Variants in USP54 observed in about 807,000 individuals in gnomAD.
USP54 encodes ubiquitin specific peptidase 54.
USP54 carries 87 observed loss-of-function variants against 170.5 expected under a neutral mutation model. That is an observed-to-expected ratio of 0.51 (90% confidence interval 0.43 to 0.61). The LOEUF (loss-of-function observed/expected upper bound fraction) is 0.61, where lower values mean the gene tolerates loss of function less well. Ranked by LOEUF, USP54 falls within the 20% of genes least tolerant of loss-of-function variation. The pLI is 0.00. For missense variants in USP54, 1,786 were observed against 2,047.8 expected, an observed-to-expected ratio of 0.87 and a Z score of 2.47; for synonymous variants, 655 against 742.8, an observed-to-expected ratio of 0.88 and a Z score of 1.92.
At chr10:73,623,647 T>C (rs2081259380) in intron 1 of USP54, among the ~76,000 whole-genome samples, 1 of 152,172 alleles carries the variant, frequency 6.6e-6, no homozygotes, top group Admixed American at 6.6e-5. Flanking sequence ...TGAGACCCTG[T>C]TGCAAAACAA....
At chr10:73,541,235 T>C (rs2066539687) in intron 9 of USP54, 140 bp downstream of exon 9, 2 of 1,248,550 alleles carry the variant, frequency 1.6e-6, no homozygotes. Context: ...CACGGGTATC[T>C]GTACACAAAT....
intron 5 of USP54, among the ~76,000 whole-genome samples, chr10:73,545,257 AG>A (rs2067531499): frequency 1.3e-5 from 2 of 152,188 alleles, no homozygotes; most frequent in African/African-American, 4.8e-5. Context: ...CTGTATCAGA[AG>A]CTCTGGGGGT....
intron 4 of USP54, among the ~76,000 whole-genome samples, chr10:73,567,763 G>T (rs772193218): frequency 2.6e-5 from 4 of 152,154 alleles, no homozygotes; most frequent in Non-Finnish European, 5.9e-5. Flanking sequence ...TCAGTAGATT[G>T]AGTTTTTTTG....
intron 4 of USP54, among the ~76,000 whole-genome samples, chr10:73,558,261 A>C (rs914621181): frequency 1.3e-5 from 2 of 152,264 alleles, no homozygotes; most frequent in Admixed American, 1.3e-4. Flanking sequence ...TTTTCAATGA[A>C]AGGCATAATT....
At chr10:73,591,781 C>T (rs754829269), upstream of USP54, among the ~76,000 whole-genome samples, 1 of 151,926 alleles carries the variant, frequency 6.6e-6, no homozygotes, top group East Asian at 1.9e-4. Context: ...AAAAGGAGCA[C>T]GAGAAGACAA....
At chr10:73,560,445 G>C (rs2072579136) in intron 4 of USP54, among the ~76,000 whole-genome samples, 3 of 150,396 alleles carry the variant, frequency 2.0e-5, no homozygotes, top group African/African-American at 7.4e-5. Flanking sequence ...ACAAGGTCAG[G>C]AGATCAAAGA....
chr10:73,511,163 A>G (rs1339726425), intron 20 of USP54, among the ~76,000 whole-genome samples: 2 of 149,210 alleles, frequency 1.3e-5, no homozygotes, highest in African/African-American at 2.5e-5. Context: ...CAGCGGCACA[A>G]TCTCAGCTCA....
intron 1 of USP54, among the ~76,000 whole-genome samples, chr10:73,577,400 A>G (rs1481119955): frequency 6.6e-6 from 1 of 152,210 alleles, no homozygotes; most frequent in Non-Finnish European, 1.5e-5. Context: ...GTAAATTCCC[A>G]GACTATTTAT....
chr10:73,605,886 GA>G, intron 1 of USP54, among the ~76,000 whole-genome samples: 1 of 152,120 alleles, frequency 6.6e-6, no homozygotes, highest in South Asian at 2.1e-4. Flanking sequence ...TTTATGAGAT[GA>G]AACAGGGTGG....
At chr10:73,538,626 G>A (rs1466707574) in intron 10 of USP54, among the ~76,000 whole-genome samples, 4 of 151,892 alleles carry the variant, frequency 2.6e-5, no homozygotes, top group African/African-American at 9.7e-5. Context: ...ACCAGCCTGG[G>A]TAACATCTCT....
intron 1 of USP54, among the ~76,000 whole-genome samples, chr10:73,624,875 A>G (rs1298036215): frequency 2.6e-5 from 4 of 152,218 alleles, no homozygotes; most frequent in African/African-American, 9.6e-5. Context: ...ATTTCTTAAA[A>G]GGCAAATAGC....
chr10:73,521,529 A>G (rs2061898885), intron 17 of USP54, among the ~76,000 whole-genome samples: 1 of 152,224 alleles, frequency 6.6e-6, no homozygotes, highest in South Asian at 2.1e-4. Flanking sequence ...GTGGACAGCC[A>G]TTCATACCAC....
upstream of USP54, among the ~76,000 whole-genome samples, chr10:73,594,552 G>A (rs2078567372): frequency 6.7e-6 from 1 of 149,276 alleles, no homozygotes; most frequent in South Asian, 2.2e-4. Flanking sequence ...CTACAGGTGT[G>A]TACAACCAGA....
chr10:73,611,436 TGAA>T (rs1005758321), intron 1 of USP54: 4 of 151,942 alleles, frequency 2.6e-5, no homozygotes, highest in Non-Finnish European at 5.9e-5. Context: ...ATGGCTTGAG[TGAA>T]GGAGTTCCAG....
At chr10:73,529,949 G>C (rs762554160) in intron 14 of USP54, 38 bp from the exon 15 acceptor site, 21 of 1,515,388 alleles carry the variant, frequency 1.4e-5, no homozygotes, top group Non-Finnish European at 1.8e-5. Context: ...AAATGAGGTA[G>C]ATTTAGCATT....
intron 1 of USP54, among the ~76,000 whole-genome samples, chr10:73,607,320 TAAAA>T (rs772279519): frequency 1.1e-5 from 1 of 91,312 alleles, no homozygotes. Flanking sequence ...AGAGTTTGCT[TAAAA>T]AAAAAAAAAA....
upstream of USP54, among the ~76,000 whole-genome samples, chr10:73,592,471 C>CAAAAAAA (rs367984467): frequency 1.5e-5 from 1 of 67,360 alleles, no homozygotes; most frequent in Admixed American, 1.7e-4. Flanking sequence ...GAAAGTGCCA[C>CAAAAAAA]AAAAAAAAAA....
Position 73,531,262 on chromosome 10 carries a change from G to A in USP54, c.1316-427C>T, listed in dbSNP as rs1428660264. ...GCCGAGATCACGCCACTGCACTCCA[G>A]CCTGGACGACAGAGCAAGACTGTCT... On this transcript the variant is annotated intron_variant, in intron 12 of 23. Coordinates refer to ENST00000687698, the MANE Select transcript of USP54 (RefSeq NM_001391956.1). 2.0e-5 allele frequency among the ~76,000 whole-genome samples: 3 copies of A among 150,744 alleles called. No homozygotes were observed. In the East Asian group the frequency reaches 5.8e-4, roughly 29 times the overall value.
intron 15 of USP54, among the ~76,000 whole-genome samples, chr10:73,528,412 C>T (rs1268838444): frequency 6.7e-6 from 1 of 150,338 alleles, no homozygotes; most frequent in Admixed American, 6.6e-5. Flanking sequence ...CCACCACGCC[C>T]GGCTAATTTT....
Sources: gnomAD v4.1 joint callset for allele counts (sites outside exome capture counted in the v4.1 genomes callset) on GRCh38, gnomAD v4.1.1 for gene constraint, MANE v1.5 for transcripts, NCBI Gene and HGNC (gene_info 2026-07-23, HGNC 2026-07-21) for gene names.